The following ABCA13 variants were observed in gnomAD, a reference collection of about 807,000 sequenced individuals.
ABCA13 encodes ATP binding cassette subfamily A member 13.
A neutral mutation model predicts 478.7 loss-of-function variants in ABCA13; 476 were observed. The observed-to-expected ratio is 0.99, with a 90% confidence interval of 0.92 to 1.07. The LOEUF (loss-of-function observed/expected upper bound fraction) is 1.07, where lower values mean the gene tolerates loss of function less well. Among genes scored for constraint, ABCA13 ranks in the 50% least tolerant of loss-of-function variants. The pLI is 0.00. For missense variants in ABCA13, 6,060 were observed against 5,910.6 expected (o/e 1.03, Z -0.83); for synonymous variants, 2,252 against 2,158.9 (o/e 1.04, Z -1.20).
chr7:48,524,316 G>A lies in ABCA13; in HGVS notation c.14120G>A (p.Arg4707Lys), dbSNP rs2131002816. 1 of 1,613,192 alleles carries A rather than the reference G, an allele frequency of 6.2e-7. No individual in the cohort carries two copies. Among genetic ancestry groups the A allele is most frequent in the East Asian group, 2.2e-5 (1 of 44,740 alleles). Residue 4707 changes from arginine to lysine, a missense_variant, in exon 54 of 62, where the codon AGA becomes AAA. Transcript: ENST00000435803. ...KDTDVEKEEK[R>K]VFEGRTNGDI... ...ACAGATGTTGAAAAAGAGGAAAAGA[G>A]AGTGTTTGAAGGAAGGACCAATGGA...
At chr7:48,590,852 G>A (rs1161893435) in intron 57 of ABCA13, among the ~76,000 whole-genome samples, 3 of 151,768 alleles carry the variant, frequency 2.0e-5, no homozygotes, top group Non-Finnish European at 4.4e-5. Flanking sequence ...TTAGTTTTAC[G>A]ACTTTCATAT....
chr7:48,255,089 T>G (rs954876713), intron 15 of ABCA13, among the ~76,000 whole-genome samples: 3 of 152,180 alleles, frequency 2.0e-5, no homozygotes, highest in African/African-American at 7.2e-5. Context: ...GTGGAAGGGT[T>G]GGACTACAAC....
chr7:48,401,291 A>T (rs1817567055), intron 38 of ABCA13, among the ~76,000 whole-genome samples: 2 of 152,246 alleles, frequency 1.3e-5, no homozygotes, highest in Non-Finnish European at 2.9e-5. Context: ...CATTTAAAAA[A>T]TAAAATAAAG....
intron 23 of ABCA13, among the ~76,000 whole-genome samples, chr7:48,309,653 T>C (rs1801457506): frequency 6.6e-6 from 1 of 152,050 alleles, no homozygotes; most frequent in Admixed American, 6.5e-5. Flanking sequence ...TGGTGGGCAT[T>C]CAGAGTGAGC....
At chr7:48,448,499 A>T (rs1197020224) in intron 42 of ABCA13, among the ~76,000 whole-genome samples, 1 of 152,246 alleles carries the variant, frequency 6.6e-6, no homozygotes, top group Non-Finnish European at 1.5e-5. Flanking sequence ...GACCTTATTC[A>T]CAAGTGAAAT....
At chr7:48,571,402 G>A (rs1040379515) in intron 55 of ABCA13, among the ~76,000 whole-genome samples, 4 of 151,928 alleles carry the variant, frequency 2.6e-5, no homozygotes, top group Non-Finnish European at 5.9e-5. Flanking sequence ...TTGTTGAGCT[G>A]TGAATATCTT....
At chr7:48,435,294 T>C (rs2217709) in intron 42 of ABCA13, among the ~76,000 whole-genome samples, 45,095 of 151,642 alleles carry the variant, frequency 0.3, 6,788 homozygotes, top group East Asian at 0.37. Flanking sequence ...TCTTAATTTC[T>C]GTTTTCAGAT....
intron 17 of ABCA13, among the ~76,000 whole-genome samples, chr7:48,276,866 A>C (rs1237655593): frequency 6.6e-6 from 1 of 152,210 alleles, no homozygotes; most frequent in African/African-American, 2.4e-5. Flanking sequence ...ATTAGTTTTC[A>C]TAGCTGTACA....
chr7:48,299,058 C>T (rs1027575259), intron 23 of ABCA13, among the ~76,000 whole-genome samples: 2 of 152,118 alleles, frequency 1.3e-5, no homozygotes, highest in African/African-American at 2.4e-5. Flanking sequence ...ACATACGGGC[C>T]ACATGGGGTA....
At chr7:48,579,756 G>C (rs6963717) in intron 55 of ABCA13, among the ~76,000 whole-genome samples, 20,149 of 152,094 alleles carry the variant, frequency 0.13, 1,653 homozygotes, top group African/African-American at 0.2. Context: ...TTCTGGGCAG[G>C]GGAGGCCAGC....
In ABCA13 at chr7:48,587,175, C is replaced by T. The variant is rs61737750; in HGVS notation, c.14527C>T (p.Arg4843Cys). 2.9e-3 allele frequency: 4,661 copies of T among 1,613,060 alleles called. 11 individuals are homozygous for T. The highest frequency in any genetic ancestry group is 3.0e-3 in the Non-Finnish European group (3,533 of 1,179,566). Residue 4843 changes from arginine (R) to cysteine (C), a missense_variant, in exon 57 of 62, where the codon CGC becomes TGC. Arg to Cys is a radical substitution (Grantham distance 180, BLOSUM62 -3). Around this residue, in one of 3 missense-constraint regions of ABCA13, gnomAD observed 1,627 missense variants for 1,571.0 expected, o/e 1.04. Transcript: ENST00000435803. ...IPEVAGDLIRRLHLEAHADKP... is the reference protein window; with the variant it reads ...IPEVAGDLIRCLHLEAHADKP... ...CCAGGTTGCTGGAGACCTCATCAGG[C>T]GCTTACACCTCGAAGCCCACGCGGA...
chr7:48,328,214 T>C (rs761779820), intron 27 of ABCA13, among the ~76,000 whole-genome samples: 2 of 152,134 alleles, frequency 1.3e-5, no homozygotes, highest in Non-Finnish European at 2.9e-5. Context: ...GCTATTTACA[T>C]GTGCAGAGCA....
chr7:48,585,497 A>G (rs997721423), intron 56 of ABCA13, among the ~76,000 whole-genome samples: 5 of 152,178 alleles, frequency 3.3e-5, no homozygotes, highest in Admixed American at 3.3e-4. Flanking sequence ...CATTTGCAAC[A>G]TATTTTGAAG....
chr7:48,567,088 G>A (rs576253398), intron 55 of ABCA13, among the ~76,000 whole-genome samples: 66 of 152,274 alleles, frequency 4.3e-4, no homozygotes, highest in African/African-American at 1.5e-3. Flanking sequence ...AAGATACCCT[G>A]CTCTGAAAGT....
rs760240267 is a variant in ABCA13, at chr7:48,524,368, TA to T, written c.14175del (p.Lys4725AsnfsTer29). 6.2e-7 allele frequency: 1 copy of T among 1,613,256 alleles called. No individual in the cohort carries two copies. The highest frequency in any genetic ancestry group is 8.5e-7 in the Non-Finnish European group (1 of 1,179,544). On this transcript the variant is annotated frameshift_variant, in exon 54 of 62. Transcript: ENST00000435803. LOFTEE classifies it high-confidence loss of function. The part of the protein sequence containing the change: ...GDILVLYNLS[K>X]HYRRFFQNII... ...ACATTCTTGTGTTATACAACCTTAG[TA>T]AACATTATCGACGCTTTTTCCAGAA...
At position 48,516,717 on chromosome 7, in the gene ABCA13, C is replaced by G; in HGVS notation, c.13641-8C>G. On this transcript the variant is annotated splice_region_variant and splice_polypyrimidine_tract_variant and intron_variant, in intron 51 of 61. Transcript: ENST00000435803. ...AAAACAAACATTACTTTTCACTTTA[C>G]TTTTCAGATATGCAACTCTTCCATG... The G allele has an allele frequency of 2.5e-6, 4 of 1,612,760 alleles. No homozygotes were observed. Among genetic ancestry groups the G allele is most frequent in the Non-Finnish European group, 3.4e-6 (4 of 1,179,182 alleles).
At position 48,387,957 on chromosome 7, in the gene ABCA13, A is replaced by G. The variant is rs1324474549; in HGVS notation, c.11471A>G (p.Lys3824Arg). ...TTCTTCAATGAGAACTTTGACAATAAAGGTTTGTAAGGAGTAGAATTATTA... is the reference window on the plus strand; with the variant it reads ...TTCTTCAATGAGAACTTTGACAATAGAGGTTTGTAAGGAGTAGAATTATTA... ...LFFFNENFDN[K>R]GSSLQNREGE... The change falls in exon 36 of 62, where the codon AAA becomes AGA. Residue 3824 changes from lysine to arginine, a missense_variant and splice_region_variant. Physicochemically the swap from Lys to Arg is conservative, Grantham distance 26. This residue lies in a region of ABCA13 where 1,627 missense variants were observed against 1,571.0 expected (regional missense o/e 1.04). Transcript: ENST00000435803. 6.3e-7 allele frequency: 1 copy of G among 1,598,106 alleles called. No individual in the cohort carries two copies. The highest frequency in any genetic ancestry group is 1.8e-5 in the Admixed American group (1 of 54,652).
chr7:48,532,659 T>A lies in ABCA13; in HGVS notation c.14354+4314T>A, dbSNP rs553456486. Among the ~76,000 whole-genome samples, 26 of 152,078 alleles carry A rather than the reference T, an allele frequency of 1.7e-4. No individual in the cohort carries two copies. The East Asian group carries it at 3.5e-3, about 20-fold the overall frequency. On this transcript the variant is annotated intron_variant, in intron 55 of 61. Transcript: ENST00000435803. The stretch of plus-strand genomic sequence containing the variant: ...GATTTGTTTTTGTTGGTAATTTTTT[T>A]AATTATCATTTCAATCTTGCTGCTT...
intron 29 of ABCA13, among the ~76,000 whole-genome samples, chr7:48,349,117 G>A (rs1445561688): frequency 1.3e-5 from 2 of 152,194 alleles, no homozygotes; most frequent in African/African-American, 4.8e-5. Flanking sequence ...CAATACACAA[G>A]TGCCCAGAAT....
Sources: gnomAD v4.1 joint callset for allele counts (sites outside exome capture counted in the v4.1 genomes callset) on GRCh38, gnomAD v4.1.1 for gene constraint, gnomAD v4.1.1 regional missense constraint, MANE v1.5 for transcripts, NCBI Gene and HGNC (gene_info 2026-07-23, HGNC 2026-07-21) for gene names.